DPP10: variants seen among roughly 807,000 people sequenced by gnomAD.
DPP10 encodes the protein dipeptidyl peptidase like 10.
DPP10 carries 33 observed loss-of-function variants against 120.9 expected under a neutral mutation model. That is an observed-to-expected ratio of 0.27 (90% CI 0.21 to 0.37). The LOEUF is 0.37. Among genes scored for constraint, DPP10 ranks in the 10% least tolerant of loss-of-function variants. The probability of loss-of-function intolerance (pLI) is 1.00; values close to 1 mark genes in which losing one functional copy is unlikely to be tolerated. For missense variants in DPP10, 816 were observed against 942.8 expected, an observed-to-expected ratio of 0.87 and a Z score of 1.76; for synonymous variants, 337 against 326.1, an observed-to-expected ratio of 1.03 and a Z score of -0.36.
At chr2:115,361,803 G>A (rs776928539) in intron 3 of DPP10, among the ~76,000 whole-genome samples, 8 of 151,996 alleles carry the variant, frequency 5.3e-5, no homozygotes, top group Non-Finnish European at 1.2e-4. Context: ...GCCTCTCTGT[G>A]GACTTTCAGT....
Position 114,550,043 on chromosome 2 carries a change from T to C in DPP10, c.60+107205T>C, listed in dbSNP as rs139771989. The stretch of plus-strand genomic sequence containing the variant: ...CCATTTGTCACCTAATTCTCTAATA[T>C]TCCAGTCTTAGTATCTTTTGAGCCC... On this transcript the variant is annotated intron_variant, in intron 1 of 25. Coordinates refer to ENST00000410059, the MANE Select transcript of DPP10 (RefSeq NM_020868.6). Among the ~76,000 whole-genome samples, 166 of 152,310 alleles carry C rather than the reference T, an allele frequency of 1.1e-3. 1 individual carries two copies. The highest frequency in any genetic ancestry group is 3.8e-3 in the African/African-American group (159 of 41,570).
chr2:115,755,157 C>T (rs188923573), intron 11 of DPP10, among the ~76,000 whole-genome samples: 165 of 151,986 alleles, frequency 1.1e-3, no homozygotes, highest in East Asian at 6.8e-3. Context: ...AAATTAGTTT[C>T]GCATGTTTTT....
intron 17 of DPP10, among the ~76,000 whole-genome samples, chr2:115,784,398 CAAAG>C (rs1683110427): frequency 1.3e-5 from 2 of 152,052 alleles, no homozygotes; most frequent in Non-Finnish European, 2.9e-5. Flanking sequence ...CACTAGTTAT[CAAAG>C]AAACGCAGAA....
chr2:115,535,176 A>C (rs1235785633), intron 5 of DPP10, among the ~76,000 whole-genome samples: 1 of 151,956 alleles, frequency 6.6e-6, no homozygotes, highest in Non-Finnish European at 1.5e-5. Context: ...TTTAGACATG[A>C]AGTCCTCGCC....
intron 1 of DPP10, among the ~76,000 whole-genome samples, chr2:114,823,770 C>A (rs1483349972): frequency 6.6e-6 from 1 of 152,082 alleles, no homozygotes; most frequent in Non-Finnish European, 1.5e-5. Context: ...GGAGCTACTT[C>A]CAAAAATGGT....
intron 1 of DPP10, among the ~76,000 whole-genome samples, chr2:115,028,979 A>G (rs925462207): frequency 3.3e-5 from 5 of 151,924 alleles, no homozygotes; most frequent in African/African-American, 1.2e-4. Flanking sequence ...TCTAGATAGT[A>G]TTTAGTTGTC....
chr2:115,145,698 G>T (rs536087330), intron 1 of DPP10, among the ~76,000 whole-genome samples: 1 of 152,080 alleles, frequency 6.6e-6, no homozygotes, highest in Non-Finnish European at 1.5e-5. Context: ...TACGGTAAGA[G>T]TATATTTAGT....
In DPP10 at chr2:115,238,139, G is replaced by A. The variant is rs1047471033; in HGVS notation, c.61-71100G>A. Among the ~76,000 whole-genome samples, 3 of 152,304 alleles carry A rather than the reference G, an allele frequency of 2.0e-5. No individual in the cohort carries two copies. In the East Asian group the frequency reaches 5.8e-4, roughly 29 times the overall value. On this transcript the variant is annotated intron_variant, in intron 1 of 25. Transcript: ENST00000410059. ...CTTCAAAGGACAGGCTGACTCTTTT[G>A]TTAGAGGCTGATGGAGCTGACAGCT...
chr2:115,640,739 A>G (rs1351644806), intron 5 of DPP10, among the ~76,000 whole-genome samples: 2 of 152,106 alleles, frequency 1.3e-5, no homozygotes. Context: ...GCTTTACGAG[A>G]TTATTGAATA....
At chr2:114,922,785 A>G (rs904253439) in intron 1 of DPP10, among the ~76,000 whole-genome samples, 1 of 152,240 alleles carries the variant, frequency 6.6e-6, no homozygotes, top group African/African-American at 2.4e-5. Flanking sequence ...TTGTTGATCC[A>G]TTAATCAGTT....
intron 1 of DPP10, among the ~76,000 whole-genome samples, chr2:114,636,299 T>C (rs1461328117): frequency 2.6e-5 from 4 of 152,056 alleles, no homozygotes; most frequent in South Asian, 2.1e-4. Flanking sequence ...GTAGTTGATA[T>C]GTAAATAAAC....
chr2:115,202,091 A>G (rs763465330), intron 1 of DPP10, among the ~76,000 whole-genome samples: 1 of 152,082 alleles, frequency 6.6e-6, no homozygotes, highest in Admixed American at 6.5e-5. Flanking sequence ...CCACAGATGC[A>G]TTTTCATTAT....
At chr2:114,849,178 C>T (rs908222011) in intron 1 of DPP10, among the ~76,000 whole-genome samples, 3 of 152,140 alleles carry the variant, frequency 2.0e-5, no homozygotes, top group Admixed American at 6.6e-5. Context: ...TTCACATACA[C>T]ATTTACTCAG....
intron 1 of DPP10, among the ~76,000 whole-genome samples, chr2:114,643,867 TTGTG>T (rs951374563): frequency 2.0e-5 from 3 of 149,838 alleles, no homozygotes; most frequent in African/African-American, 7.4e-5. Context: ...TAGTGTGTGT[TTGTG>T]TGTGTGTGTA....
At chr2:115,388,315 A>G (rs1647154821) in intron 3 of DPP10, among the ~76,000 whole-genome samples, 1 of 152,186 alleles carries the variant, frequency 6.6e-6, no homozygotes, top group African/African-American at 2.4e-5. Flanking sequence ...TGGAAATTGG[A>G]TTTTATTCTA....
chr2:115,493,275 G>A (rs1041279269), intron 3 of DPP10, among the ~76,000 whole-genome samples: 2 of 151,752 alleles, frequency 1.3e-5, no homozygotes, highest in African/African-American at 4.8e-5. Context: ...AGGAGATGAA[G>A]ATACAGGAAA....
chr2:114,973,661 C>CGAAAAA (rs1699547713), intron 1 of DPP10, among the ~76,000 whole-genome samples: 1 of 71,034 alleles, frequency 1.4e-5, no homozygotes, highest in Non-Finnish European at 2.4e-5. Context: ...GACTCCGTCT[C>CGAAAAA]AAAAAAAAAA....
chr2:115,081,723 A>G (rs1376219529), intron 1 of DPP10, among the ~76,000 whole-genome samples: 2 of 152,188 alleles, frequency 1.3e-5, no homozygotes, highest in Non-Finnish European at 2.9e-5. Flanking sequence ...GAACTAATTG[A>G]CAAACATTTT....
At chr2:114,538,893 A>T (rs899313842) in intron 1 of DPP10, among the ~76,000 whole-genome samples, 1 of 152,150 alleles carries the variant, frequency 6.6e-6, no homozygotes, top group Non-Finnish European at 1.5e-5. Context: ...CGTTAGGCCC[A>T]TAAGAGCTTC....
Sources: gnomAD v4.1 joint callset for allele counts (sites outside exome capture counted in the v4.1 genomes callset) on GRCh38, gnomAD v4.1.1 for gene constraint, MANE v1.5 for transcripts, NCBI Gene and HGNC (gene_info 2026-07-23, HGNC 2026-07-21) for gene names.